The following DCC variants were observed in gnomAD, a reference collection of about 807,000 sequenced individuals.
DCC encodes the protein netrin receptor DCC.
Under a neutral mutation model 172.5 loss-of-function variants are expected in DCC, and 58 were observed. The observed-to-expected ratio is 0.34, with a 90% confidence interval of 0.27 to 0.42. DCC has a LOEUF of 0.42. DCC is among the 10% of genes least tolerant of loss of function. DCC has a pLI of 1.00. For missense variants in DCC, 1,740 were observed against 1,791.0 expected, an observed-to-expected ratio of 0.97 and a Z score of 0.51; for synonymous variants, 709 against 644.5, an observed-to-expected ratio of 1.10 and a Z score of -1.52.
At chr18:52,461,245 C>T (rs1349062930) in intron 1 of DCC, among the ~76,000 whole-genome samples, 1 of 152,184 alleles carries the variant, frequency 6.6e-6, no homozygotes, top group African/African-American at 2.4e-5. Context: ...CCCTGTCTTT[C>T]ACCTTCACAT....
At chr18:53,517,573 A>T (rs1405279332) in intron 27 of DCC, among the ~76,000 whole-genome samples, 2 of 152,016 alleles carry the variant, frequency 1.3e-5, no homozygotes, top group Non-Finnish European at 2.9e-5. Flanking sequence ...CTCTCGTCTC[A>T]TTTTTCACAG....
chr18:53,168,818 CTG>C (rs566696177), intron 8 of DCC, among the ~76,000 whole-genome samples: 164 of 152,058 alleles, frequency 1.1e-3, no homozygotes, highest in African/African-American at 3.9e-3. Flanking sequence ...TTGCAGATGA[CTG>C]TGCAAAGCTT....
intron 8 of DCC, among the ~76,000 whole-genome samples, chr18:53,158,757 T>TAA (rs2054787864): frequency 6.6e-6 from 1 of 151,976 alleles, no homozygotes. Flanking sequence ...TTTGGCAGGC[T>TAA]AAGTCAGGTG....
chr18:53,044,168 T>A (rs2144010269), intron 5 of DCC, among the ~76,000 whole-genome samples: 1 of 152,062 alleles, frequency 6.6e-6, no homozygotes, highest in Non-Finnish European at 1.5e-5. Context: ...CTGGGAAGCA[T>A]CTTCAAAACA....
chr18:53,062,792 T>C (rs1174412341), intron 5 of DCC, among the ~76,000 whole-genome samples: 1 of 152,096 alleles, frequency 6.6e-6, no homozygotes, highest in Non-Finnish European at 1.5e-5. Flanking sequence ...ACAGTAAAGA[T>C]GATATAGGCA....
chr18:52,746,955 G>A (rs760655397), intron 1 of DCC, among the ~76,000 whole-genome samples: 9 of 151,434 alleles, frequency 5.9e-5, no homozygotes, highest in Non-Finnish European at 1.2e-4. Context: ...TGGAGAAGGA[G>A]GAAGTGTAAG....
Position 53,016,639 on chromosome 18 carries a change from TTTTG to T in DCC, c.986-46662_986-46659del, listed in dbSNP as rs546801311. 2.8e-4 allele frequency among the ~76,000 whole-genome samples: 43 copies of T among 152,224 alleles called. No homozygotes were observed. In the South Asian group the frequency reaches 8.1e-3, roughly 29 times the overall value. On this transcript the variant is annotated intron_variant, in intron 5 of 28. Transcript: ENST00000442544. Reference sequence around the variant, plus strand: ...TAAATATATATTAAAATTTTAATTATTTTGTTTATTTAATTTTATAATGGGAGTG... The same window carrying T: ...TAAATATATATTAAAATTTTAATTATTTTATTTAATTTTATAATGGGAGTG...
At position 53,122,342 on chromosome 18, in the gene DCC, G is replaced by A. The variant is rs893126387; in HGVS notation, c.1262-35014G>A. Among the ~76,000 whole-genome samples, 6 of 151,960 alleles carry A rather than the reference G, an allele frequency of 3.9e-5. No homozygotes were observed. In the South Asian group the frequency reaches 6.2e-4, roughly 16 times the overall value. ...ACCAATTGGCTTTTCTTTTCTTATG[G>A]AATTGTGGTATCTGATAGCAATGTA... is the stretch of plus-strand genomic sequence containing the variant. On this transcript the variant is annotated intron_variant, in intron 7 of 28. Coordinates refer to ENST00000442544, the MANE Select transcript of DCC (RefSeq NM_005215.4).
chr18:52,955,661 A>C (rs1411529273), intron 5 of DCC, among the ~76,000 whole-genome samples: 1 of 152,068 alleles, frequency 6.6e-6, no homozygotes, highest in African/African-American at 2.4e-5. Flanking sequence ...TTGCATTCCC[A>C]CCAATAATGA....
chr18:52,708,885 C>T (rs1453335739), intron 1 of DCC, among the ~76,000 whole-genome samples: 2 of 152,162 alleles, frequency 1.3e-5, no homozygotes, highest in Admixed American at 1.3e-4. Context: ...AGAACCCTGG[C>T]CTGGGAGCTC....
At chr18:52,608,026 A>AT (rs796148172) in intron 1 of DCC, among the ~76,000 whole-genome samples, 10 of 151,684 alleles carry the variant, frequency 6.6e-5, no homozygotes, top group East Asian at 5.8e-4. Flanking sequence ...ATTTTCAAGG[A>AT]TTTTTTTTTC....
Position 53,322,137 on chromosome 18 carries a change from C to A in DCC, c.2144C>A (p.Thr715Asn), listed in dbSNP as rs2057418559. ...CCTTCCAACTGGTATACTGCAGAGA[C>A]TCCAGAGAATGATCTAGATGGTAAG... is the stretch of plus-strand genomic sequence containing the variant. ...GPPSNWYTAE[T>N]PENDLDESQV... The change falls in exon 14 of 29, where the codon ACT becomes AAT. Residue 715 changes from threonine to asparagine, a missense_variant. Around this residue, in one of 2 missense-constraint regions of DCC, gnomAD observed 1,732 missense variants for 1,767.4 expected, o/e 0.98. Transcript: ENST00000442544. 1.3e-6 allele frequency: 2 copies of A among 1,560,190 alleles called. No individual in the cohort carries two copies. Among genetic ancestry groups the A allele is most frequent in the East Asian group, 4.5e-5 (2 of 44,590 alleles).
At chr18:52,825,323 T>C (rs959732323) in intron 2 of DCC, among the ~76,000 whole-genome samples, 2 of 152,118 alleles carry the variant, frequency 1.3e-5, no homozygotes, top group African/African-American at 2.4e-5. Flanking sequence ...AAAGATTACA[T>C]TAGAATATGC....
chr18:52,419,886 T>C (rs1987188025), intron 1 of DCC, among the ~76,000 whole-genome samples: 1 of 152,204 alleles, frequency 6.6e-6, no homozygotes, highest in Non-Finnish European at 1.5e-5. Flanking sequence ...CAGAGTTTTA[T>C]ATATAACAAT....
intron 27 of DCC, among the ~76,000 whole-genome samples, chr18:53,513,302 C>T (rs2046282837): frequency 6.6e-6 from 1 of 152,140 alleles, no homozygotes; most frequent in South Asian, 2.1e-4. Flanking sequence ...TAAAAGAACT[C>T]CTGAAGGAAG....
chr18:52,530,583 GA>G (rs2144683294), intron 1 of DCC, among the ~76,000 whole-genome samples: 1 of 152,256 alleles, frequency 6.6e-6, no homozygotes, highest in African/African-American at 2.4e-5. Context: ...GGTAAAACTG[GA>G]ACTTTTGTCT....
At chr18:53,229,284 A>G (rs1424418345) in intron 12 of DCC, among the ~76,000 whole-genome samples, 1 of 152,164 alleles carries the variant, frequency 6.6e-6, no homozygotes, top group Non-Finnish European at 1.5e-5. Context: ...GATGAGGGTA[A>G]TGGGGTACTG....
At chr18:52,614,089 C>A (rs556099644) in intron 1 of DCC, among the ~76,000 whole-genome samples, 5 of 152,108 alleles carry the variant, frequency 3.3e-5, no homozygotes, top group Non-Finnish European at 5.9e-5. Flanking sequence ...TCTCTGCCAG[C>A]CTTTTGGAAT....
At chr18:52,358,020 T>C (rs1984453596) in intron 1 of DCC, among the ~76,000 whole-genome samples, 1 of 152,014 alleles carries the variant, frequency 6.6e-6, no homozygotes, top group Non-Finnish European at 1.5e-5. Context: ...GTCATGTTGA[T>C]AGCATGTACC....
Sources: gnomAD v4.1 joint callset for allele counts (sites outside exome capture counted in the v4.1 genomes callset) on GRCh38, gnomAD v4.1.1 for gene constraint, gnomAD v4.1.1 regional missense constraint, MANE v1.5 for transcripts, NCBI Gene and HGNC (gene_info 2026-07-23, HGNC 2026-07-21) for gene names.